FAM13B: variants seen among roughly 807,000 people sequenced by gnomAD.
FAM13B encodes the protein protein FAM13B.
FAM13B carries 60 observed loss-of-function variants against 117.3 expected under a neutral mutation model. The ratio of observed to expected loss-of-function variants is 0.51; its 90% CI spans 0.42 to 0.63. The LOEUF (loss-of-function observed/expected upper bound fraction) is 0.63. Among genes scored for constraint, FAM13B ranks in the 30% least tolerant of loss-of-function variants. The probability of loss-of-function intolerance (pLI) is 0.00; values close to 1 mark genes in which losing one functional copy is unlikely to be tolerated. For synonymous variants in FAM13B, 332 were observed against 356.1 expected (o/e 0.93, Z 0.76); for missense variants, 972 against 1,091.9 (o/e 0.89, Z 1.55).
At chr5:138,031,364 C>T (rs929696576) in intron 1 of FAM13B, among the ~76,000 whole-genome samples, 4 of 152,116 alleles carry the variant, frequency 2.6e-5, no homozygotes, top group African/African-American at 9.7e-5. Flanking sequence ...GAAACTATTA[C>T]TCCAATTTTA....
intron 20 of FAM13B, among the ~76,000 whole-genome samples, chr5:137,943,585 A>AC (rs1401930063): frequency 6.6e-6 from 1 of 152,170 alleles, no homozygotes; most frequent in Non-Finnish European, 1.5e-5. Context: ...CTCTACTAAA[A>AC]ATACAAAAAA....
chr5:138,032,576 A>G (rs2151096278), intron 1 of FAM13B, among the ~76,000 whole-genome samples: 1 of 152,262 alleles, frequency 6.6e-6, no homozygotes, highest in African/African-American at 2.4e-5. Context: ...GCAGCCAGGG[A>G]CACGGCTTCA....
At chr5:138,016,991 T>C (rs1785411276) in intron 4 of FAM13B, among the ~76,000 whole-genome samples, 1 of 152,216 alleles carries the variant, frequency 6.6e-6, no homozygotes, top group South Asian at 2.1e-4. Flanking sequence ...AAAAAATTCC[T>C]GTAATAATAA....
chr5:137,954,409 G>T, intron 14 of FAM13B, 33 bp from the exon 15 acceptor site: 1 of 1,561,208 alleles, frequency 6.4e-7, no homozygotes, highest in Admixed American at 1.8e-5. Flanking sequence ...AGTACCATGG[G>T]TCTCTTGATT....
At chr5:138,008,278 A>T (rs1408945883) in intron 6 of FAM13B, among the ~76,000 whole-genome samples, 1 of 151,958 alleles carries the variant, frequency 6.6e-6, no homozygotes, top group African/African-American at 2.4e-5. Context: ...TTGTCTCTAC[A>T]AAAAAATACA....
chr5:137,995,279 C>A (rs1779583261), intron 7 of FAM13B, among the ~76,000 whole-genome samples: 1 of 152,176 alleles, frequency 6.6e-6, no homozygotes, highest in Non-Finnish European at 1.5e-5. Context: ...TACTTTGCAA[C>A]TTTTCAGGAG....
At chr5:138,030,410 C>CTTT (rs59704298) in intron 1 of FAM13B, among the ~76,000 whole-genome samples, 4 of 135,460 alleles carry the variant, frequency 3.0e-5, no homozygotes, top group African/African-American at 1.1e-4. Flanking sequence ...CCATGCCTGG[C>CTTT]TTTTTTTTTT....
chr5:138,033,230 C>G (rs1394888493), upstream of FAM13B: 1 of 213,266 alleles, frequency 4.7e-6, no homozygotes, highest in African/African-American at 2.3e-5. Context: ...TCCTCTCCCA[C>G]CAATTGGGGT....
In FAM13B at chr5:137,988,311, G is replaced by A. The variant is rs765136786; in HGVS notation, c.853C>T (p.His285Tyr). The A allele has an allele frequency of 6.4e-7, 1 of 1,559,580 alleles. No homozygotes were observed. The highest frequency in any genetic ancestry group is 8.6e-7 in the Non-Finnish European group (1 of 1,162,628). The change falls in exon 8 of 24, where the codon CAT (histidine) becomes TAT (tyrosine). Residue 285 changes from histidine to tyrosine, a missense_variant. Transcript: ENST00000689681. ...ESNSVTATST[H>Y]ISPISILPAS... ...GGTAGGATGCTGATGGGAGATATATGGGTGCTGCAATCAAAGAAAGAAATT... is the reference window on the plus strand; with the variant it reads ...GGTAGGATGCTGATGGGAGATATATAGGTGCTGCAATCAAAGAAAGAAATT...
intron 10 of FAM13B, among the ~76,000 whole-genome samples, chr5:137,969,844 GGAA>G (rs1313600911): frequency 6.6e-5 from 10 of 152,182 alleles, no homozygotes; most frequent in Non-Finnish European, 1.3e-4. Context: ...GCAATCAACT[GGAA>G]GAAGGGGTAT....
chr5:137,980,189 A>G (rs1478782853), intron 10 of FAM13B, among the ~76,000 whole-genome samples: 2 of 151,028 alleles, frequency 1.3e-5, no homozygotes, highest in East Asian at 3.9e-4. Flanking sequence ...AAAAAAAAAA[A>G]AGAAAGAAAA....
chr5:138,018,350 G>T lies in FAM13B; in HGVS notation c.322C>A (p.Pro108Thr). The T allele has an allele frequency of 6.2e-7, 1 of 1,614,124 alleles. No individual in the cohort carries two copies. The highest frequency in any genetic ancestry group is 1.1e-5 in the South Asian group (1 of 91,074). Residue 108 changes from proline (P) to threonine (T), a missense_variant, in exon 4 of 24, where the codon CCT becomes ACT. By Grantham distance (38) the Pro-to-Thr change is conservative. Transcript: ENST00000689681. ...ATATGTAAACTGCCAGGGATAACAG[G>T]TTCAGGAAGTTCTTGAAGAAAAAAT... ...LRFFLQELPE[P>T]VIPGSLHIHL...
chr5:138,002,015 T>C (rs1781391824), intron 7 of FAM13B, among the ~76,000 whole-genome samples: 1 of 152,132 alleles, frequency 6.6e-6, no homozygotes, highest in Admixed American at 6.6e-5. Context: ...GAATTTTGGC[T>C]CCTTCAATAG....
chr5:137,974,776 T>C (rs1028436098), intron 10 of FAM13B, among the ~76,000 whole-genome samples: 4 of 151,878 alleles, frequency 2.6e-5, no homozygotes, highest in Non-Finnish European at 2.9e-5. Context: ...CCTTACAATA[T>C]TCTAGCCCAG....
At chr5:138,048,609 C>T (rs1479700834) in intron 1 of FAM13B, among the ~76,000 whole-genome samples, 3 of 152,194 alleles carry the variant, frequency 2.0e-5, no homozygotes, top group Non-Finnish European at 4.4e-5. Context: ...GCAAATCCCT[C>T]TCCCCTTGGT....
intron 18 of FAM13B, among the ~76,000 whole-genome samples, chr5:137,947,876 C>T (rs182700916): frequency 2.1e-3 from 319 of 152,084 alleles, no homozygotes; most frequent in South Asian, 4.2e-3. Context: ...TGAGGCACCG[C>T]GCCTGGCCAA....
At chr5:138,051,552 C>A (rs770320832) in intron 1 of FAM13B, among the ~76,000 whole-genome samples, 3 of 152,168 alleles carry the variant, frequency 2.0e-5, no homozygotes, top group Non-Finnish European at 4.4e-5. Flanking sequence ...GAGTGTTATG[C>A]TTCCTGGCCA....
At chr5:138,007,675 T>C (rs961281677) in intron 6 of FAM13B, among the ~76,000 whole-genome samples, 1 of 151,084 alleles carries the variant, frequency 6.6e-6, no homozygotes, top group Non-Finnish European at 1.5e-5. Flanking sequence ...TGGAATCCTA[T>C]AACAAGGAAG....
chr5:138,033,640 C>G (rs1325595206), upstream of FAM13B: 1 of 152,298 alleles, frequency 6.6e-6, no homozygotes, highest in East Asian at 1.9e-4. Flanking sequence ...AGTCGATAGG[C>G]TGCGGGCTTA....
Sources: gnomAD v4.1 joint callset for allele counts (sites outside exome capture counted in the v4.1 genomes callset) on GRCh38, gnomAD v4.1.1 for gene constraint, MANE v1.5 for transcripts, NCBI Gene and HGNC (gene_info 2026-07-23, HGNC 2026-07-21) for gene names.